DTNA: variants seen among roughly 807,000 people sequenced by gnomAD.
DTNA encodes the protein dystrophin-related protein 3.
Under a neutral mutation model 100.7 loss-of-function variants are expected in DTNA, and 43 were observed. That is an observed-to-expected ratio of 0.43 (90% confidence interval 0.33 to 0.55). The LOEUF (loss-of-function observed/expected upper bound fraction) is 0.55, where lower values mean the gene tolerates loss of function less well. DTNA is among the 20% of genes least tolerant of loss of function. The probability of loss-of-function intolerance (pLI) is 0.04; values close to 1 mark genes in which losing one functional copy is unlikely to be tolerated. For synonymous variants in DTNA, 349 were observed against 347.9 expected (o/e 1.00, Z -0.04); for missense variants, 798 against 953.9 (o/e 0.84, Z 2.15).
chr18:34,825,941 G>A (rs1431298434), intron 9 of DTNA, among the ~76,000 whole-genome samples: 1 of 152,088 alleles, frequency 6.6e-6, no homozygotes, highest in Non-Finnish European at 1.5e-5. Context: ...AATTCACAGA[G>A]GACATTTGTA....
At chr18:34,713,219 C>T (rs992985063) in intron 1 of DTNA, among the ~76,000 whole-genome samples, 1 of 151,994 alleles carries the variant, frequency 6.6e-6, no homozygotes, top group Non-Finnish European at 1.5e-5. Context: ...AAGCTCTTGC[C>T]TCTTTGTGTA....
intron 1 of DTNA, among the ~76,000 whole-genome samples, chr18:34,531,734 A>T (rs1212160757): frequency 6.6e-6 from 1 of 152,152 alleles, no homozygotes; most frequent in East Asian, 1.9e-4. Flanking sequence ...CTGTCCACTC[A>T]GGCAGGAATT....
chr18:34,851,811 A>G lies in DTNA; in HGVS notation c.1435-20A>G, dbSNP rs750526868. 5.0e-6 allele frequency: 8 copies of G among 1,612,300 alleles called. No homozygotes were observed. The highest frequency in any genetic ancestry group is 6.8e-6 in the Non-Finnish European group (8 of 1,178,440). ...GTTCACATTCTCAATATGAAATCTT[A>G]TAAACTACATATTTTACAGCAGCCA... On this transcript the variant is annotated intron_variant, in intron 14 of 22. Transcript: ENST00000444659.
intron 1 of DTNA, among the ~76,000 whole-genome samples, chr18:34,499,039 C>T (rs2039603476): frequency 6.6e-6 from 1 of 152,150 alleles, no homozygotes; most frequent in Non-Finnish European, 1.5e-5. Flanking sequence ...AATATCACAA[C>T]CAGGATGTTG....
intron 1 of DTNA, among the ~76,000 whole-genome samples, chr18:34,584,387 G>C (rs1297306980): frequency 6.6e-6 from 1 of 152,130 alleles, no homozygotes; most frequent in Non-Finnish European, 1.5e-5. Context: ...AAGCTGAAAT[G>C]TGTATTATAG....
At chr18:34,695,874 A>T (rs950622315) in intron 1 of DTNA, among the ~76,000 whole-genome samples, 1 of 151,392 alleles carries the variant, frequency 6.6e-6, no homozygotes, top group Admixed American at 6.6e-5. Flanking sequence ...CATTAGGAAA[A>T]TTTTTTTTTA....
chr18:34,566,301 G>T (rs1598620788), intron 1 of DTNA, among the ~76,000 whole-genome samples: 1 of 151,984 alleles, frequency 6.6e-6, no homozygotes. Context: ...AAAAAGGAAG[G>T]TGTCAGATTA....
At chr18:34,725,851 A>C (rs992497601) in intron 1 of DTNA, among the ~76,000 whole-genome samples, 6 of 152,218 alleles carry the variant, frequency 3.9e-5, no homozygotes, top group Non-Finnish European at 8.8e-5. Flanking sequence ...ACCAACCCAA[A>C]TGTCCATCGA....
rs554670474 is a variant in DTNA, at chr18:34,530,930, TC to T, written c.-2+37420del. Among the ~76,000 whole-genome samples, 17 of 152,230 alleles carry T rather than the reference TC, an allele frequency of 1.1e-4. No individual in the cohort carries two copies. The East Asian group carries it at 2.7e-3, about 24-fold the overall frequency. On this transcript the variant is annotated intron_variant, in intron 1 of 19. Transcript: ENST00000283365. ...ATACATCAGCAGCCTCTCTTCTTCTTCCCCTCTCTCCTCCTCTCTCCACCCA... is the reference window on the plus strand; with the variant it reads ...ATACATCAGCAGCCTCTCTTCTTCTTCCCTCTCTCCTCCTCTCTCCACCCA...
chr18:34,783,508 A>G (rs182457138), intron 3 of DTNA, among the ~76,000 whole-genome samples: 51 of 152,308 alleles, frequency 3.3e-4, no homozygotes, highest in African/African-American at 1.2e-3. Context: ...GATCCTTAGC[A>G]AAGAGAACTA....
intron 1 of DTNA, among the ~76,000 whole-genome samples, chr18:34,503,606 C>T (rs2040178601): frequency 6.6e-6 from 1 of 152,022 alleles, no homozygotes; most frequent in African/African-American, 2.4e-5. Context: ...ATTTTTAATG[C>T]ACTCTGCTAA....
At chr18:34,556,910 A>G (rs373411672) in intron 1 of DTNA, among the ~76,000 whole-genome samples, 4 of 148,154 alleles carry the variant, frequency 2.7e-5, no homozygotes, top group East Asian at 1.9e-4. Flanking sequence ...GAATCTGAAC[A>G]TTGGCCTGCC....
chr18:34,593,814 G>T (rs2050027532), intron 1 of DTNA, among the ~76,000 whole-genome samples: 1 of 152,140 alleles, frequency 6.6e-6, no homozygotes, highest in Non-Finnish European at 1.5e-5. Context: ...AGTTTACTGA[G>T]TTACAATCTC....
intron 1 of DTNA, among the ~76,000 whole-genome samples, chr18:34,611,967 T>G (rs1315054629): frequency 6.6e-6 from 1 of 152,212 alleles, no homozygotes; most frequent in Non-Finnish European, 1.5e-5. Context: ...GGCTCATTGA[T>G]GGCTGTCCAC....
intron 17 of DTNA, among the ~76,000 whole-genome samples, chr18:34,874,714 A>G (rs1040025251): frequency 6.6e-6 from 1 of 152,226 alleles, no homozygotes; most frequent in Non-Finnish European, 1.5e-5. Context: ...AAATAGGGAT[A>G]AAACAATTTA....
At chr18:34,779,122 G>GA (rs1231338292) in intron 3 of DTNA, among the ~76,000 whole-genome samples, 3 of 151,934 alleles carry the variant, frequency 2.0e-5, no homozygotes, top group Non-Finnish European at 1.5e-5. Context: ...AAACAAAACA[G>GA]AAAAAAACAT....
intron 1 of DTNA, among the ~76,000 whole-genome samples, chr18:34,635,602 A>G (rs941417481): frequency 7.2e-5 from 11 of 152,182 alleles, no homozygotes; most frequent in African/African-American, 2.7e-4. Context: ...CTTAGGTATG[A>G]TTTTATAACA....
At chr18:34,530,826 A>T (rs2043067996) in intron 1 of DTNA, among the ~76,000 whole-genome samples, 1 of 152,140 alleles carries the variant, frequency 6.6e-6, no homozygotes, top group African/African-American at 2.4e-5. Flanking sequence ...GCTAATTTCC[A>T]GAAGTCCAGC....
chr18:34,843,711 G>T (rs1447215767), intron 13 of DTNA, among the ~76,000 whole-genome samples: 2 of 151,984 alleles, frequency 1.3e-5, no homozygotes, highest in Non-Finnish European at 1.5e-5. Flanking sequence ...GGTACTGAGG[G>T]TATTCATATG....
Sources: gnomAD v4.1 joint callset for allele counts (sites outside exome capture counted in the v4.1 genomes callset) on GRCh38, gnomAD v4.1.1 for gene constraint, MANE v1.5 for transcripts, NCBI Gene and HGNC (gene_info 2026-07-23, HGNC 2026-07-21) for gene names.